Variants in PTPRR observed in about 807,000 individuals in gnomAD.
The protein encoded by PTPRR is protein tyrosine phosphatase receptor type R, also known as receptor-type tyrosine-protein phosphatase R.
Under a neutral mutation model 77.2 loss-of-function variants are expected in PTPRR, and 38 were observed. That is an observed-to-expected ratio of 0.49 (90% CI 0.38 to 0.65). The LOEUF is 0.65. PTPRR is among the 30% of genes least tolerant of loss of function. The pLI, the probability that PTPRR is intolerant of heterozygous loss-of-function variation, is 0.00. For synonymous variants in PTPRR, 299 were observed against 283.1 expected (o/e 1.06, Z -0.57); for missense variants, 744 against 799.2 (o/e 0.93, Z 0.83).
rs1295853797 is a variant in PTPRR at position 70,735,423 on chromosome 12, C to T, written c.1007+10395G>A. Among the ~76,000 whole-genome samples, 3 of 152,166 alleles carry T rather than the reference C, an allele frequency of 2.0e-5. No individual in the cohort carries two copies. In the East Asian group the frequency reaches 5.8e-4, roughly 29 times the overall value. ...AAGAGAGTGTGTGCAAGGGACCTGC[C>T]CTTTATAAAACCATCAGATCTCGTG... On this transcript the variant is annotated intron_variant, in intron 6 of 13. Coordinates refer to ENST00000283228, the MANE Select transcript of PTPRR (RefSeq NM_002849.4).
chr12:70,651,140 T>G (rs1238626836), intron 13 of PTPRR, among the ~76,000 whole-genome samples: 3 of 152,170 alleles, frequency 2.0e-5, no homozygotes, highest in Non-Finnish European at 2.9e-5. Flanking sequence ...TATCTAACAG[T>G]CTCCTTGATT....
At chr12:70,645,606 A>G (rs570389283) in intron 13 of PTPRR, among the ~76,000 whole-genome samples, 33 of 152,248 alleles carry the variant, frequency 2.2e-4, no homozygotes, top group Non-Finnish European at 4.1e-4. Flanking sequence ...TTATTGCAAA[A>G]GTGGTGTTAG....
chr12:70,703,467 C>T (rs1254990409), intron 6 of PTPRR, among the ~76,000 whole-genome samples: 1 of 152,112 alleles, frequency 6.6e-6, no homozygotes, highest in Admixed American at 6.6e-5. Context: ...GATAGGGTTC[C>T]TGTGCTTCTG....
chr12:70,872,366 A>C (rs1017573354), intron 2 of PTPRR, among the ~76,000 whole-genome samples: 2 of 151,880 alleles, frequency 1.3e-5, no homozygotes, highest in Admixed American at 1.3e-4. Flanking sequence ...TTTTCAAAGG[A>C]AAGATAGCAG....
intron 2 of PTPRR, among the ~76,000 whole-genome samples, chr12:70,843,675 G>A (rs979186782): frequency 4.6e-5 from 7 of 151,984 alleles, no homozygotes; most frequent in African/African-American, 1.7e-4. Flanking sequence ...AATTATCTTT[G>A]TTATTGTAAT....
intron 2 of PTPRR, among the ~76,000 whole-genome samples, chr12:70,888,713 G>A (rs912762648): frequency 1.3e-5 from 2 of 152,176 alleles, no homozygotes; most frequent in Non-Finnish European, 2.9e-5. Flanking sequence ...CCCAAAGCCT[G>A]TGTTTGAATC....
chr12:70,641,124 G>A (rs1458073099), intron 13 of PTPRR, among the ~76,000 whole-genome samples: 4 of 152,176 alleles, frequency 2.6e-5, no homozygotes, highest in South Asian at 2.1e-4. Flanking sequence ...CAGGTGTTCC[G>A]AAGATGCTGG....
intron 10 of PTPRR, among the ~76,000 whole-genome samples, chr12:70,667,078 C>T (rs1205368939): frequency 6.6e-6 from 1 of 151,114 alleles, no homozygotes; most frequent in Non-Finnish European, 1.5e-5. Context: ...GCCTCAGCCT[C>T]CCGAGTAGCT....
At chr12:70,914,236 A>G (rs749340342) in intron 1 of PTPRR, among the ~76,000 whole-genome samples, 1 of 152,228 alleles carries the variant, frequency 6.6e-6, no homozygotes, top group Non-Finnish European at 1.5e-5. Flanking sequence ...TTAGTGTGCA[A>G]AGGAGGGCAA....
intron 2 of PTPRR, chr12:70,789,015 G>A: frequency 1.6e-6 from 1 of 626,396 alleles, no homozygotes. Flanking sequence ...GTCTACTGCA[G>A]CAGCCTGTGC....
intron 2 of PTPRR, among the ~76,000 whole-genome samples, chr12:70,800,893 C>A (rs2137019859): frequency 6.8e-6 from 1 of 146,528 alleles, no homozygotes; most frequent in African/African-American, 2.6e-5. Context: ...GAAACTCCAT[C>A]TCATAAAAAA....
intron 2 of PTPRR, among the ~76,000 whole-genome samples, chr12:70,792,159 T>C (rs113760131): frequency 2.0e-5 from 3 of 152,308 alleles, no homozygotes; most frequent in African/African-American, 7.2e-5. Context: ...GAGAAGATAA[T>C]GGTCTACTAC....
intron 6 of PTPRR, among the ~76,000 whole-genome samples, chr12:70,725,503 C>G (rs1373506826): frequency 2.6e-5 from 4 of 152,024 alleles, no homozygotes; most frequent in Non-Finnish European, 5.9e-5. Context: ...CCCCCACCTC[C>G]CCAATGTATT....
chr12:70,692,518 A>G (rs1888089890), intron 8 of PTPRR, among the ~76,000 whole-genome samples: 1 of 152,182 alleles, frequency 6.6e-6, no homozygotes, highest in Non-Finnish European at 1.5e-5. Flanking sequence ...GAATGCCAAG[A>G]GGGGTACTTA....
At chr12:70,752,194 C>G (rs1437572620) in intron 5 of PTPRR, among the ~76,000 whole-genome samples, 1 of 152,110 alleles carries the variant, frequency 6.6e-6, no homozygotes. Context: ...TTCTCCTTTG[C>G]CCACAGCACC....
At chr12:70,746,733 C>T (rs1592727754) in intron 5 of PTPRR, among the ~76,000 whole-genome samples, 1 of 151,208 alleles carries the variant, frequency 6.6e-6, no homozygotes, top group Non-Finnish European at 1.5e-5. Flanking sequence ...GCTCTGTTGC[C>T]CAAGCGAAAG....
At chr12:70,896,449 G>A (rs928377246) in intron 1 of PTPRR, among the ~76,000 whole-genome samples, 77 of 151,604 alleles carry the variant, frequency 5.1e-4, no homozygotes, top group African/African-American at 1.6e-3. Flanking sequence ...CGTTCTTATG[G>A]GGTATTCATC....
intron 5 of PTPRR, among the ~76,000 whole-genome samples, chr12:70,753,708 G>A (rs952371079): frequency 9.9e-5 from 15 of 152,068 alleles, no homozygotes; most frequent in Admixed American, 3.9e-4. Context: ...GCCTTTGAGG[G>A]TATAATCATC....
intron 2 of PTPRR, among the ~76,000 whole-genome samples, chr12:70,854,816 T>C (rs1266189665): frequency 6.6e-6 from 1 of 152,200 alleles, no homozygotes. Flanking sequence ...TGTTTACCTG[T>C]TAAGCGTTTG....
Sources: gnomAD v4.1 joint callset for allele counts (sites outside exome capture counted in the v4.1 genomes callset) on GRCh38, gnomAD v4.1.1 for gene constraint, MANE v1.5 for transcripts, NCBI Gene and HGNC (gene_info 2026-07-23, HGNC 2026-07-21) for gene names.